The following TJP1 variants were observed in gnomAD, a reference collection of about 807,000 sequenced individuals.
TJP1 encodes the protein tight junction protein ZO-1.
Under a neutral mutation model 194.2 loss-of-function variants are expected in TJP1, and 43 were observed. The ratio of observed to expected loss-of-function variants is 0.22; its 90% CI spans 0.17 to 0.29. The LOEUF is 0.29. Among genes scored for constraint, TJP1 ranks in the 10% least tolerant of loss-of-function variants. The pLI is 1.00. For synonymous variants in TJP1, 801 were observed against 779.0 expected (o/e 1.03, Z -0.47); for missense variants, 1,971 against 2,185.7 (o/e 0.90, Z 1.96).
intron 1 of TJP1, among the ~76,000 whole-genome samples, chr15:29,804,180 A>G (rs973225003): frequency 6.6e-6 from 1 of 152,142 alleles, no homozygotes; most frequent in African/African-American, 2.4e-5. Flanking sequence ...AGTACTGATG[A>G]GGAGTTCTGA....
intron 2 of TJP1, among the ~76,000 whole-genome samples, chr15:29,935,108 C>G (rs936019409): frequency 6.6e-6 from 1 of 152,212 alleles, no homozygotes; most frequent in Non-Finnish European, 1.5e-5. Flanking sequence ...TCTTCTATTG[C>G]TCACATGAAC....
chr15:29,871,570 G>A (rs969202137), intron 2 of TJP1, among the ~76,000 whole-genome samples: 1 of 152,240 alleles, frequency 6.6e-6, no homozygotes, highest in Admixed American at 6.5e-5. Flanking sequence ...GCCTGGAGAG[G>A]CCTTCCTATG....
At chr15:29,858,666 C>T (rs2051956265) in intron 2 of TJP1, among the ~76,000 whole-genome samples, 5 of 151,918 alleles carry the variant, frequency 3.3e-5, no homozygotes, top group Admixed American at 3.3e-4. Context: ...ACCTCAGCCT[C>T]CGAGTAGCTG....
intron 2 of TJP1, among the ~76,000 whole-genome samples, chr15:29,847,372 T>C (rs1344270655): frequency 1.3e-5 from 2 of 152,208 alleles, no homozygotes; most frequent in Admixed American, 6.5e-5. Context: ...TTTAATTCTA[T>C]TAATTTCTGC....
At chr15:29,856,816 C>A (rs550204942) in intron 2 of TJP1, among the ~76,000 whole-genome samples, 2 of 151,494 alleles carry the variant, frequency 1.3e-5, no homozygotes, top group East Asian at 1.9e-4. Context: ...TATGACTGTG[C>A]CACTGCACTC....
intron 2 of TJP1, among the ~76,000 whole-genome samples, chr15:29,857,204 T>C (rs1424119611): frequency 6.6e-6 from 1 of 151,838 alleles, no homozygotes; most frequent in Non-Finnish European, 1.5e-5. Context: ...AAATATGACA[T>C]GGATTAGAGA....
intron 24 of TJP1, among the ~76,000 whole-genome samples, chr15:29,709,245 CCT>C (rs2042094155): frequency 6.6e-6 from 1 of 152,002 alleles, no homozygotes; most frequent in African/African-American, 2.4e-5. Flanking sequence ...ACCCTGCTGC[CCT>C]GGAGTCAGGG....
At chr15:29,732,101 G>A (rs896909153) in intron 15 of TJP1, 15 of 230,516 alleles carry the variant, frequency 6.5e-5, no homozygotes, top group East Asian at 5.2e-4. Flanking sequence ...AAGGATCCAC[G>A]CAATGACCAT....
At chr15:29,881,400 CT>C (rs1252417962) in intron 2 of TJP1, among the ~76,000 whole-genome samples, 2 of 152,174 alleles carry the variant, frequency 1.3e-5, no homozygotes, top group Non-Finnish European at 2.9e-5. Context: ...TGTAGGCTGC[CT>C]TTTCACACTG....
chr15:29,927,715 C>T (rs969280121), intron 2 of TJP1, among the ~76,000 whole-genome samples: 1 of 152,116 alleles, frequency 6.6e-6, no homozygotes, highest in African/African-American at 2.4e-5. Flanking sequence ...CCATCTTCCC[C>T]TTGGGGCACC....
chr15:29,842,224 T>C (rs762078080), intron 2 of TJP1, among the ~76,000 whole-genome samples: 2 of 152,154 alleles, frequency 1.3e-5, no homozygotes, highest in Non-Finnish European at 1.5e-5. Flanking sequence ...TTTCTGGCCA[T>C]GAAAACATCA....
At chr15:29,961,593 G>A (rs1464903137) in intron 1 of TJP1, among the ~76,000 whole-genome samples, 1 of 152,086 alleles carries the variant, frequency 6.6e-6, no homozygotes, top group Non-Finnish European at 1.5e-5. Flanking sequence ...TTACTTGTGG[G>A]CATGGCTGAT....
At chr15:29,793,223 G>A (rs1420589916) in intron 2 of TJP1, among the ~76,000 whole-genome samples, 1 of 152,158 alleles carries the variant, frequency 6.6e-6, no homozygotes, top group Non-Finnish European at 1.5e-5. Context: ...CCCCCCTCAT[G>A]ATACTAGCTG....
At chr15:29,785,020 G>C (rs557702687) in intron 2 of TJP1, among the ~76,000 whole-genome samples, 46 of 152,174 alleles carry the variant, frequency 3.0e-4, no homozygotes, top group Non-Finnish European at 6.3e-4. Flanking sequence ...CCTTCCCAAG[G>C]GGTTTTCAAA....
At chr15:29,745,917 G>A (rs1216771352) in intron 8 of TJP1, among the ~76,000 whole-genome samples, 1 of 152,184 alleles carries the variant, frequency 6.6e-6, no homozygotes, top group East Asian at 1.9e-4. Context: ...ATGTCAGTAC[G>A]AGTCTGGAGA....
chr15:29,736,426 G>A (rs2044039270), intron 11 of TJP1, among the ~76,000 whole-genome samples: 1 of 152,218 alleles, frequency 6.6e-6, no homozygotes, highest in African/African-American at 2.4e-5. Flanking sequence ...CAAGAGGCAG[G>A]CTGAGTACAG....
chr15:29,765,298 G>A (rs2046264158), intron 5 of TJP1, among the ~76,000 whole-genome samples: 1 of 152,152 alleles, frequency 6.6e-6, no homozygotes, highest in Admixed American at 6.5e-5. Context: ...AGACTTCACT[G>A]AATGGGGGTA....
intron 8 of TJP1, among the ~76,000 whole-genome samples, chr15:29,744,512 A>G (rs1405035326): frequency 3.6e-4 from 55 of 152,326 alleles, no homozygotes; most frequent in Non-Finnish European, 2.1e-4. Context: ...GTACCAAGAC[A>G]ATATATATTT....
intron 2 of TJP1, among the ~76,000 whole-genome samples, chr15:29,776,183 T>G (rs1480840872): frequency 6.6e-6 from 1 of 152,014 alleles, no homozygotes; most frequent in Non-Finnish European, 1.5e-5. Flanking sequence ...ACTACATAAA[T>G]ACTCCATGAA....
Sources: allele counts gnomAD v4.1 joint callset (sites outside exome capture counted in the v4.1 genomes callset), GRCh38; gene constraint gnomAD v4.1.1; transcripts MANE v1.5; gene names NCBI Gene and HGNC (gene_info 2026-07-23, HGNC 2026-07-21).